XKR6: variants seen among roughly 807,000 people sequenced by gnomAD.
The protein encoded by XKR6 is XK-related protein 6.
In XKR6, 22 loss-of-function variants were observed where a neutral mutation model predicts 56.7. The observed-to-expected ratio is 0.39, with a 90% confidence interval of 0.28 to 0.55. The LOEUF (loss-of-function observed/expected upper bound fraction) is 0.55, where lower values mean the gene tolerates loss of function less well. XKR6 is among the 20% of genes least tolerant of loss of function. XKR6 has a pLI of 0.66. For synonymous variants in XKR6, 524 were observed against 387.8 expected (o/e 1.35, Z -4.13); for missense variants, 852 against 889.0 (o/e 0.96, Z 0.53).
chr8:11,069,330 G>A (rs1192122280), intron 1 of XKR6, among the ~76,000 whole-genome samples: 5 of 151,936 alleles, frequency 3.3e-5, no homozygotes, highest in Non-Finnish European at 7.4e-5. Flanking sequence ...TGAAGCAGAA[G>A]CAGCCCCCCT....
intron 1 of XKR6, among the ~76,000 whole-genome samples, chr8:11,085,680 CCT>C (rs1056434243): frequency 6.6e-6 from 1 of 152,150 alleles, no homozygotes; most frequent in African/African-American, 2.4e-5. Context: ...TTCTGCCCTG[CCT>C]TGGTCAGCAT....
At chr8:11,131,347 A>C (rs1274270032) in intron 1 of XKR6, among the ~76,000 whole-genome samples, 1 of 152,142 alleles carries the variant, frequency 6.6e-6, no homozygotes, top group East Asian at 1.9e-4. Context: ...TAGGAACTGA[A>C]ATTTACTGGA....
intron 2 of XKR6, among the ~76,000 whole-genome samples, chr8:10,916,999 T>C (rs1800581173): frequency 6.6e-6 from 1 of 152,040 alleles, no homozygotes; most frequent in African/African-American, 2.4e-5. Flanking sequence ...AGCTCCAGGT[T>C]TGTTTAACGG....
chr8:11,136,653 G>C (rs560739273), intron 1 of XKR6, among the ~76,000 whole-genome samples: 6 of 152,114 alleles, frequency 3.9e-5, no homozygotes, highest in Non-Finnish European at 5.9e-5. Flanking sequence ...AGACAAGAGG[G>C]ATGATCTCTT....
chr8:11,039,022 C>G (rs992425119), intron 1 of XKR6, among the ~76,000 whole-genome samples: 1 of 152,098 alleles, frequency 6.6e-6, no homozygotes, highest in African/African-American at 2.4e-5. Flanking sequence ...GCACTGAGAC[C>G]CTGCCACTCA....
At chr8:11,083,922 T>A (rs1007998676) in intron 1 of XKR6, among the ~76,000 whole-genome samples, 1 of 151,902 alleles carries the variant, frequency 6.6e-6, no homozygotes, top group South Asian at 2.1e-4. Flanking sequence ...GTTTGCTGTT[T>A]CGTTAAAAAA....
In XKR6 at chr8:11,036,579, G is replaced by C. The variant is rs553486413; in HGVS notation, c.765-111749C>G. On this transcript the variant is annotated intron_variant, in intron 1 of 2. Transcript: ENST00000416569. ...TGCATTTTAACAAATTAGCCAGGTG[G>C]CTGCACAGTAAATTTTGAGAATTTA... Among the ~76,000 whole-genome samples, 14 of 152,282 alleles carry C rather than the reference G, an allele frequency of 9.2e-5. No individual in the cohort carries two copies. The South Asian group carries it at 1.0e-3, about 11-fold the overall frequency.
chr8:11,126,263 T>C (rs979122617), intron 1 of XKR6, among the ~76,000 whole-genome samples: 3 of 152,082 alleles, frequency 2.0e-5, no homozygotes, highest in African/African-American at 7.2e-5. Flanking sequence ...AAGACGGGGT[T>C]CACTATATTG....
chr8:11,126,374 C>T (rs568604494), intron 1 of XKR6, among the ~76,000 whole-genome samples: 2 of 152,150 alleles, frequency 1.3e-5, no homozygotes, highest in East Asian at 1.9e-4. Context: ...CCTACTTTGG[C>T]GTTTTTTAAG....
chr8:11,017,712 G>A (rs1316625166), intron 1 of XKR6, among the ~76,000 whole-genome samples: 1 of 152,226 alleles, frequency 6.6e-6, no homozygotes, highest in Non-Finnish European at 1.5e-5. Context: ...GAGAGGGGCA[G>A]GCATTTGACC....
At chr8:11,073,908 G>GACCC (rs1208185175) in intron 1 of XKR6, among the ~76,000 whole-genome samples, 2 of 152,184 alleles carry the variant, frequency 1.3e-5, no homozygotes, top group African/African-American at 4.8e-5. Context: ...AGTGGGCTGG[G>GACCC]AGTCCAGGCA....
At chr8:11,104,500 A>T (rs1294076166) in intron 1 of XKR6, among the ~76,000 whole-genome samples, 1 of 152,246 alleles carries the variant, frequency 6.6e-6, no homozygotes, top group Non-Finnish European at 1.5e-5. Flanking sequence ...AATGAAGGCA[A>T]TCGCCACACA....
chr8:11,176,655 C>T (rs373948104), intron 1 of XKR6, among the ~76,000 whole-genome samples: 1 of 152,104 alleles, frequency 6.6e-6, no homozygotes, highest in African/African-American at 2.4e-5. Flanking sequence ...CAGATGAAGT[C>T]GGCCCCAGCC....
At chr8:11,023,420 C>T (rs977002308) in intron 1 of XKR6, among the ~76,000 whole-genome samples, 1 of 152,212 alleles carries the variant, frequency 6.6e-6, no homozygotes, top group African/African-American at 2.4e-5. Context: ...GGCAGTGCCA[C>T]CACACCCGAC....
intron 1 of XKR6, among the ~76,000 whole-genome samples, chr8:11,018,089 T>C (rs1798667258): frequency 6.6e-6 from 1 of 152,130 alleles, no homozygotes. Context: ...ACAGCCCTCC[T>C]TCAGGAGCAG....
chr8:10,898,336 G>A lies in XKR6; in HGVS notation c.1542C>T (p.Ala514=), dbSNP rs200750707. 3.4e-5 allele frequency: 55 copies of A among 1,613,880 alleles called. No homozygotes were observed. Among genetic ancestry groups the A allele is most frequent in the Admixed American group, 1.2e-4 (7 of 60,022 alleles). The change falls in exon 3 of 3, where the codon GCC becomes GCT. Residue 514 remains alanine (A), a synonymous_variant. Coordinates refer to ENST00000416569, the MANE Select transcript of XKR6 (RefSeq NM_173683.4). This position sits in a 1 kb window ranked among gnomAD's most constrained non-coding sequence, Gnocchi z 6.6. ...GCAAAGGGATGCCCCAGAGCAGCTC[G>A]GCACAACAGGAGCTGGCAAGGATCT... The part of the protein sequence containing the change: ...RAKILASSCC[A]ELLWGIPLPP...
At chr8:11,138,441 C>T (rs926491541) in intron 1 of XKR6, 2 of 152,222 alleles carry the variant, frequency 1.3e-5, no homozygotes, top group African/African-American at 4.8e-5. Flanking sequence ...GGTACCCAAA[C>T]TGCTAGTGAA....
chr8:10,986,624 C>T (rs1298518532), intron 1 of XKR6, among the ~76,000 whole-genome samples: 4 of 152,160 alleles, frequency 2.6e-5, no homozygotes, highest in African/African-American at 9.7e-5. Context: ...GTTGAGGGAA[C>T]AAGCTTTAGA....
At chr8:11,067,944 A>G (rs1052517067) in intron 1 of XKR6, among the ~76,000 whole-genome samples, 31 of 152,340 alleles carry the variant, frequency 2.0e-4, no homozygotes, top group Middle Eastern at 3.4e-3. Flanking sequence ...GGATGCCCTC[A>G]TCGGTCTGCA....
Sources: allele counts gnomAD v4.1 joint callset (sites outside exome capture counted in the v4.1 genomes callset), GRCh38; gene constraint gnomAD v4.1.1; non-coding constraint Gnocchi (gnomAD v3.1); transcripts MANE v1.5; gene names NCBI Gene and HGNC (gene_info 2026-07-23, HGNC 2026-07-21).